Variants in SMG6 observed in about 807,000 individuals in gnomAD.
The protein encoded by SMG6 is SMG6 nonsense mediated mRNA decay factor.
Under a neutral mutation model 142.2 loss-of-function variants are expected in SMG6, and 66 were observed. The observed-to-expected ratio is 0.46, with a 90% CI of 0.38 to 0.57. The LOEUF (loss-of-function observed/expected upper bound fraction) is 0.57. Among genes scored for constraint, SMG6 ranks in the 20% least tolerant of loss-of-function variants. SMG6 has a pLI of 0.00. For synonymous variants in SMG6, 779 were observed against 702.4 expected (o/e 1.11, Z -1.72); for missense variants, 1,793 against 1,832.0 (o/e 0.98, Z 0.39).
At chr17:2,208,425 A>G (rs1237927051) in intron 10 of SMG6, among the ~76,000 whole-genome samples, 2 of 152,146 alleles carry the variant, frequency 1.3e-5, no homozygotes, top group African/African-American at 2.4e-5. Context: ...AGGATTTACA[A>G]TTCACCAAGC....
At position 2,186,774 on chromosome 17, in the gene SMG6, A is replaced by C; in HGVS notation, c.3044T>G (p.Phe1015Cys). ...DDQDDIKVSSFVPDLKELLPS... is the reference protein window; with the variant it reads ...DDQDDIKVSSCVPDLKELLPS... ...GAGCAGCTCCTTCAGGTCCGGGACAAAGGAAGACACCTTGATGTCGTCTTG... is the reference window on the plus strand; with the variant it reads ...GAGCAGCTCCTTCAGGTCCGGGACACAGGAAGACACCTTGATGTCGTCTTG... The change falls in exon 12 of 19, where the codon TTT becomes TGT. Residue 1015 changes from phenylalanine (F) to cysteine (C), a missense_variant. By Grantham distance (205) the Phe-to-Cys change is radical. Transcript: ENST00000263073. 1 of 1,614,214 alleles carries C rather than the reference A, an allele frequency of 6.2e-7. No individual in the cohort carries two copies.
intron 8 of SMG6, among the ~76,000 whole-genome samples, chr17:2,274,584 A>C (rs538265738): frequency 6.6e-6 from 1 of 152,334 alleles, no homozygotes; most frequent in South Asian, 2.1e-4. Flanking sequence ...TTTGGATAAC[A>C]GAGATTAGGA....
intron 13 of SMG6, among the ~76,000 whole-genome samples, chr17:2,165,227 A>C (rs763758009): frequency 1.3e-5 from 2 of 152,170 alleles, no homozygotes; most frequent in Non-Finnish European, 2.9e-5. Flanking sequence ...TCTTCTTCAC[A>C]TGGTAGCTCC....
rs2075209635 is a variant in SMG6, at chr17:2,299,072, T to C, written c.1681A>G (p.Thr561Ala). The change falls in exon 2 of 19, where the codon ACC (threonine) becomes GCC (alanine). Residue 561 changes from threonine (T) to alanine (A), a missense_variant. Physicochemically the swap from Thr to Ala is moderately conservative, Grantham distance 58. Coordinates refer to ENST00000263073, the MANE Select transcript of SMG6 (RefSeq NM_017575.5). This position sits in a 1 kb window ranked among gnomAD's most constrained non-coding sequence, Gnocchi z 4.3. ...SGQYVCSPLP[T>A]STMSPEEVEQ... ...ACCTCCTCGGGACTCATGGTGCTGGTAGGTAGAGGGCTACACACATACTGT... is the reference window on the plus strand; with the variant it reads ...ACCTCCTCGGGACTCATGGTGCTGGCAGGTAGAGGGCTACACACATACTGT... 6 of 1,613,956 alleles carry C rather than the reference T, an allele frequency of 3.7e-6. No homozygotes were observed. The highest frequency in any genetic ancestry group is 1.3e-5 in the African/African-American group (1 of 74,976).
intron 10 of SMG6, among the ~76,000 whole-genome samples, chr17:2,197,542 G>C (rs1267254561): frequency 1.3e-5 from 2 of 151,848 alleles, no homozygotes; most frequent in Non-Finnish European, 2.9e-5. Context: ...CTCCAGCCTG[G>C]GTGACAGAGA....
intron 10 of SMG6, among the ~76,000 whole-genome samples, chr17:2,215,323 T>TA (rs1249749132): frequency 6.6e-6 from 1 of 152,196 alleles, no homozygotes; most frequent in Non-Finnish European, 1.5e-5. Flanking sequence ...TCCCGGCTGA[T>TA]ACATCATGGC....
In SMG6 at chr17:2,061,161, T is replaced by TC; in HGVS notation, c.*330dup. On this transcript the variant is annotated 3_prime_UTR_variant, in exon 19 of 19. Transcript: ENST00000263073. The stretch of plus-strand genomic sequence containing the variant: ...GCTGCGTCCCCAGGCGAGAAGGCCC[T>TC]CCCTCAGCCTTGGAATGAGACGGGG... 4.1e-6 allele frequency: 1 copy of TC among 243,284 alleles called. No homozygotes were observed. The highest frequency in any genetic ancestry group is 8.2e-6 in the Non-Finnish European group (1 of 121,422). The allele number at this position is 243,284 out of a possible 1,614,324, so 15.1% of individuals were successfully genotyped here.
rs1025209681 is a variant in SMG6, at chr17:2,303,043, A to G, written c.88+590T>C. On this transcript the variant is annotated intron_variant, in intron 1 of 18. Transcript: ENST00000263073. ...CTGACGTGGCTGGAGACTTGAAATT[A>G]ACTTGCAAATTGAGCATTCTCTCTA... 3.8e-5 allele frequency: 37 copies of G among 985,350 alleles called. No individual in the cohort carries two copies. In the African/African-American group the frequency reaches 6.5e-4, roughly 17 times the overall value. The allele number at this position is 985,350 out of a possible 1,614,324, so 61.0% of individuals were successfully genotyped here. A position where few individuals can be genotyped will look rare whatever the true frequency, so the allele number is the denominator to read the frequency against.
chr17:2,087,280 C>G, intron 13 of SMG6: 1 of 1,273,610 alleles, frequency 7.9e-7, no homozygotes, highest in Non-Finnish European at 1.0e-6. Context: ...GCAGATGAAG[C>G]AGGCATGACC....
intron 6 of SMG6, among the ~76,000 whole-genome samples, chr17:2,291,850 CT>C (rs763856420): frequency 7.4e-4 from 38 of 51,308 alleles, no homozygotes; most frequent in African/African-American, 9.3e-4. Flanking sequence ...CCCTGCCTCT[CT>C]TAAAAAAAAA....
At chr17:2,134,419 CAA>C (rs58429166) in intron 13 of SMG6, among the ~76,000 whole-genome samples, 39 of 28,712 alleles carry the variant, frequency 1.4e-3, no homozygotes, top group African/African-American at 6.0e-3. Context: ...GACTCCATCT[CAA>C]AAAAAAAAAA....
At chr17:2,237,360 A>C (rs996460778) in intron 9 of SMG6, 1 of 285,208 alleles carries the variant, frequency 3.5e-6, no homozygotes, top group Non-Finnish European at 5.3e-6. Flanking sequence ...GAGCCACTGC[A>C]CTCGGCCTAA....
chr17:2,251,735 G>A (rs2074050695), intron 8 of SMG6, among the ~76,000 whole-genome samples: 1 of 152,292 alleles, frequency 6.6e-6, no homozygotes. Flanking sequence ...AGAAAACACA[G>A]CCAACCAGCA....
intron 9 of SMG6, among the ~76,000 whole-genome samples, chr17:2,244,104 TC>T: frequency 6.6e-6 from 1 of 152,162 alleles, no homozygotes; most frequent in South Asian, 2.1e-4. Context: ...CACACTACCT[TC>T]CCTGAGATGT....
At chr17:2,073,577 C>T (rs1354375932) in intron 15 of SMG6, among the ~76,000 whole-genome samples, 1 of 151,638 alleles carries the variant, frequency 6.6e-6, no homozygotes, top group Non-Finnish European at 1.5e-5. Context: ...GACGTGGTGG[C>T]TCATGCCTGT....
Position 2,172,779 on chromosome 17 carries a change from T to A in SMG6, c.3236A>T (p.Tyr1079Phe). ...TAVNQSEVPL[Y>F]KDPDDDLTLL... ...GGTGAGGTCATCATCCGGGTCCTTG[T>A]ACAGTGGCACCTCAGACTGATTCAC... Residue 1079 changes from tyrosine to phenylalanine, a missense_variant, in exon 13 of 19, where the codon TAC becomes TTC. This residue lies in a region of SMG6 where 1,597 missense variants were observed against 1,584.6 expected (regional missense o/e 1.01). Transcript: ENST00000263073. The A allele has an allele frequency of 3.7e-6, 6 of 1,614,140 alleles. No homozygotes were observed. The highest frequency in any genetic ancestry group is 5.1e-6 in the Non-Finnish European group (6 of 1,180,028).
chr17:2,219,190 G>T (rs1217844929), intron 10 of SMG6, among the ~76,000 whole-genome samples: 1 of 151,930 alleles, frequency 6.6e-6, no homozygotes, highest in Non-Finnish European at 1.5e-5. Context: ...TTTGAGACCA[G>T]CCTGGCCAAC....
chr17:2,106,307 A>C (rs1465586388), intron 13 of SMG6, among the ~76,000 whole-genome samples: 1 of 152,116 alleles, frequency 6.6e-6, no homozygotes, highest in African/African-American at 2.4e-5. Context: ...AGCACTCTGC[A>C]CATGCCATTG....
intron 13 of SMG6, among the ~76,000 whole-genome samples, chr17:2,169,026 A>G (rs898928325): frequency 3.3e-5 from 5 of 151,230 alleles, no homozygotes; most frequent in African/African-American, 7.3e-5. Flanking sequence ...GATTACAGGC[A>G]TGAGCCACCA....
Sources: allele counts gnomAD v4.1 joint callset (sites outside exome capture counted in the v4.1 genomes callset), GRCh38; gene constraint gnomAD v4.1.1; regional missense constraint gnomAD v4.1.1; non-coding constraint Gnocchi (gnomAD v3.1); transcripts MANE v1.5; gene names NCBI Gene and HGNC (gene_info 2026-07-23, HGNC 2026-07-21).